ASAP1: variants seen among roughly 807,000 people sequenced by gnomAD.
ASAP1 encodes the protein ArfGAP with SH3 domain, ankyrin repeat and PH domain 1.
A neutral mutation model predicts 145.2 loss-of-function variants in ASAP1; 43 were observed. The ratio of observed to expected loss-of-function variants is 0.30; its 90% confidence interval spans 0.23 to 0.38. The LOEUF is 0.38. ASAP1 is among the 10% of genes least tolerant of loss of function. ASAP1 has a pLI of 1.00. For missense variants in ASAP1, 1,018 were observed against 1,355.3 expected (o/e 0.75, Z 3.91); for synonymous variants, 546 against 515.5 (o/e 1.06, Z -0.80).
intron 24 of ASAP1, among the ~76,000 whole-genome samples, chr8:130,111,890 A>G (rs1392273858): frequency 6.6e-6 from 1 of 152,208 alleles, no homozygotes; most frequent in Non-Finnish European, 1.5e-5. Flanking sequence ...TAATGCACAA[A>G]GAGAGCCCAC....
intron 13 of ASAP1, among the ~76,000 whole-genome samples, chr8:130,148,490 A>G (rs1173151116): frequency 6.6e-6 from 1 of 152,210 alleles, no homozygotes; most frequent in Non-Finnish European, 1.5e-5. Flanking sequence ...AGTGATGCCT[A>G]TCCTGTAGGG....
chr8:130,054,834 TGGAG>T (rs764944395), intron 29 of ASAP1, 29 bp from the exon 30 acceptor site: 48 of 1,597,294 alleles, frequency 3.0e-5, no homozygotes, highest in Non-Finnish European at 4.0e-5. Context: ...GTGGTCAGGA[TGGAG>T]GCAGCAGGCA....
At chr8:130,176,688 G>GT (rs11324057) in intron 9 of ASAP1, among the ~76,000 whole-genome samples, 361 of 143,316 alleles carry the variant, frequency 2.5e-3, no homozygotes, top group Middle Eastern at 3.6e-3. Context: ...CTCTCTTCCT[G>GT]TTTTTTTTTT....
At chr8:130,312,478 G>C (rs1823417522) in intron 3 of ASAP1, among the ~76,000 whole-genome samples, 1 of 151,840 alleles carries the variant, frequency 6.6e-6, no homozygotes, top group South Asian at 2.1e-4. Context: ...AGGAATTCTG[G>C]TTTTAAAAAA....
intron 15 of ASAP1, among the ~76,000 whole-genome samples, chr8:130,131,050 G>A (rs1004956476): frequency 3.9e-5 from 6 of 151,992 alleles, no homozygotes; most frequent in African/African-American, 9.7e-5. Context: ...CCAGGTACTC[G>A]CGAGGCTGAG....
intron 26 of ASAP1, among the ~76,000 whole-genome samples, chr8:130,078,156 AT>A (rs1324233898): frequency 7.9e-5 from 12 of 151,946 alleles, no homozygotes; most frequent in Non-Finnish European, 1.3e-4. Context: ...TGCCCGGCTA[AT>A]TTTTGTATTT....
At chr8:130,094,016 A>G (rs1463040024) in intron 24 of ASAP1, among the ~76,000 whole-genome samples, 2 of 152,174 alleles carry the variant, frequency 1.3e-5, no homozygotes, top group African/African-American at 4.8e-5. Flanking sequence ...GCGTAATTCT[A>G]TTACACAATG....
chr8:130,285,809 T>A (rs1031454400), intron 3 of ASAP1, among the ~76,000 whole-genome samples: 2 of 152,248 alleles, frequency 1.3e-5, no homozygotes, highest in African/African-American at 2.4e-5. Context: ...TTTCCGCCTC[T>A]GGTTTCTGAT....
At chr8:130,329,749 T>C (rs1824563018) in intron 3 of ASAP1, among the ~76,000 whole-genome samples, 1 of 152,208 alleles carries the variant, frequency 6.6e-6, no homozygotes, top group South Asian at 2.1e-4. Flanking sequence ...TTACTTCCAA[T>C]AAAAATGTTT....
intron 2 of ASAP1, chr8:130,361,728 C>T (rs768601300): frequency 6.5e-7 from 1 of 1,535,898 alleles, no homozygotes; most frequent in Admixed American, 2.0e-5. Context: ...AAACCATCTG[C>T]ACCTCTCATT....
intron 24 of ASAP1, among the ~76,000 whole-genome samples, chr8:130,095,241 T>G (rs183458066): frequency 2.0e-5 from 3 of 152,158 alleles, no homozygotes; most frequent in Admixed American, 6.5e-5. Flanking sequence ...AGAGTAAATA[T>G]TTACTGAATA....
chr8:130,349,024 A>T (rs1825849549), intron 3 of ASAP1, among the ~76,000 whole-genome samples: 1 of 152,196 alleles, frequency 6.6e-6, no homozygotes, highest in South Asian at 2.1e-4. Context: ...GCAGTGACAC[A>T]AGGAAGCATG....
chr8:130,300,010 T>G (rs1244383004), intron 3 of ASAP1, among the ~76,000 whole-genome samples: 2 of 151,138 alleles, frequency 1.3e-5, no homozygotes, highest in Admixed American at 1.3e-4. Context: ...AAACAAGGAG[T>G]CAGGCAGTTT....
chr8:130,373,111 T>TAC lies in ASAP1; in HGVS notation c.60-14970_60-14969dup, dbSNP rs367719682. Among the ~76,000 whole-genome samples the TAC allele has an allele frequency of 2.1e-3, 202 of 94,102 alleles. 2 individuals carry two copies. Among genetic ancestry groups the TAC allele is most frequent in the East Asian group, 0.011 (43 of 3,840 alleles). The allele number at this position is 94,102 out of a possible 152,430, so 61.7% of individuals were successfully genotyped here. Reference sequence around the variant, plus strand: ...CCCCCCACACACACAGAAATACATATACACACACACACACACACACACACA... The same window carrying TAC: ...CCCCCCACACACACAGAAATACATATACACACACACACACACACACACACACA... On this transcript the variant is annotated intron_variant, in intron 2 of 29. Transcript: ENST00000518721.
chr8:130,165,849 G>A (rs2097678901), intron 11 of ASAP1, among the ~76,000 whole-genome samples: 3 of 152,308 alleles, frequency 2.0e-5, no homozygotes, highest in Admixed American at 6.5e-5. Flanking sequence ...TGTCACTAGT[G>A]CAGGGCTTCC....
At chr8:130,324,207 C>G (rs1379432400) in intron 3 of ASAP1, among the ~76,000 whole-genome samples, 1 of 152,192 alleles carries the variant, frequency 6.6e-6, no homozygotes, top group African/African-American at 2.4e-5. Flanking sequence ...AGCATCATGA[C>G]TCAACCCCAC....
intron 1 of ASAP1, among the ~76,000 whole-genome samples, chr8:130,434,178 T>C (rs1183624674): frequency 3.3e-5 from 5 of 152,128 alleles, no homozygotes; most frequent in Non-Finnish European, 5.9e-5. Flanking sequence ...TAACTGTGCC[T>C]GGTGGCGCAC....
intron 3 of ASAP1, among the ~76,000 whole-genome samples, chr8:130,354,606 A>G (rs973605323): frequency 1.2e-4 from 18 of 152,210 alleles, no homozygotes; most frequent in Non-Finnish European, 4.4e-5. Context: ...GAAAACGCTT[A>G]TGCTCTCCTA....
At chr8:130,094,115 G>GAA (rs561189560) in intron 24 of ASAP1, among the ~76,000 whole-genome samples, 25 of 152,284 alleles carry the variant, frequency 1.6e-4, no homozygotes, top group Admixed American at 7.8e-4. Flanking sequence ...TAACAATACA[G>GAA]AGATTGTTAT....
Sources: gnomAD v4.1 joint callset for allele counts (sites outside exome capture counted in the v4.1 genomes callset) on GRCh38, gnomAD v4.1.1 for gene constraint, MANE v1.5 for transcripts, NCBI Gene and HGNC (gene_info 2026-07-23, HGNC 2026-07-21) for gene names.